The following EFNA5 variants were observed in gnomAD, a reference collection of about 807,000 sequenced individuals.
The protein encoded by EFNA5 is ephrin-A5.
Under a neutral mutation model 22.9 loss-of-function variants are expected in EFNA5, and 5 were observed. The observed-to-expected ratio is 0.22, with a 90% CI of 0.11 to 0.46. The LOEUF is 0.46. Among genes scored for constraint, EFNA5 ranks in the 20% least tolerant of loss-of-function variants. The pLI, the probability that EFNA5 is intolerant of heterozygous loss-of-function variation, is 0.99. For synonymous variants in EFNA5, 113 were observed against 112.2 expected (o/e 1.01, Z -0.04); for missense variants, 237 against 293.3 (o/e 0.81, Z 1.40).
rs185647314 is a variant in EFNA5, at chr5:107,444,137, C to T, written c.126-16628G>A. Reference sequence around the variant, plus strand: ...GATGTAAGTGGTTCAGAACAGTTTCCGCAATGCTCAATATACTTGCATTTT... The same window carrying T: ...GATGTAAGTGGTTCAGAACAGTTTCTGCAATGCTCAATATACTTGCATTTT... On this transcript the variant is annotated intron_variant, in intron 1 of 4. Transcript: ENST00000333274. Among the ~76,000 whole-genome samples the T allele has an allele frequency of 1.5e-4, 23 of 152,264 alleles. No homozygotes were observed. In the East Asian group the frequency reaches 4.1e-3, roughly 27 times the overall value.
chr5:107,400,308 A>G (rs12109193), intron 2 of EFNA5, among the ~76,000 whole-genome samples: 4,187 of 151,954 alleles, frequency 0.028, 142 homozygotes, highest in African/African-American at 0.061. Flanking sequence ...AATAAGTCAA[A>G]TATCAAATTT....
chr5:107,616,375 C>T (rs1404649731), intron 1 of EFNA5, among the ~76,000 whole-genome samples: 2 of 152,098 alleles, frequency 1.3e-5, no homozygotes, highest in African/African-American at 2.4e-5. Flanking sequence ...GCTGCACTAC[C>T]GCAGCACACA....
rs777033238 is a variant in EFNA5 at position 107,381,369 on chromosome 5, G to A, written c.573C>T (p.Thr191=). 45 of 1,611,192 alleles carry A rather than the reference G, an allele frequency of 2.8e-5. No individual in the cohort carries two copies. The highest frequency in any genetic ancestry group is 3.3e-5 in the Admixed American group (2 of 59,864). ...GGGATGGCTCGGCTGACTCATGTACGGTGTCATCTGTTCAAATAGAAAGCA... is the reference window on the plus strand; with the variant it reads ...GGGATGGCTCGGCTGACTCATGTACAGTGTCATCTGTTCAAATAGAAAGCA... ...VENSLEPADD[T]VHESAEPSRG... Residue 191 remains threonine (T), a synonymous_variant, in exon 5 of 5, where the codon ACC becomes ACT. Coordinates refer to ENST00000333274, the MANE Select transcript of EFNA5 (RefSeq NM_001962.3).
intron 1 of EFNA5, among the ~76,000 whole-genome samples, chr5:107,536,098 T>C (rs1056259193): frequency 2.0e-5 from 3 of 152,326 alleles, no homozygotes; most frequent in Admixed American, 6.5e-5. Flanking sequence ...CTGACTGATA[T>C]GAGGGAGGCA....
At chr5:107,448,337 C>T (rs1468201390) in intron 1 of EFNA5, among the ~76,000 whole-genome samples, 3 of 152,282 alleles carry the variant, frequency 2.0e-5, no homozygotes, top group East Asian at 1.9e-4. Flanking sequence ...TTCCATTAAA[C>T]GACTATTTGT....
chr5:107,454,753 T>C (rs775439579), intron 1 of EFNA5, among the ~76,000 whole-genome samples: 2 of 152,214 alleles, frequency 1.3e-5, no homozygotes, highest in Admixed American at 6.6e-5. Flanking sequence ...TCACATTTAG[T>C]ATATTTAGAT....
chr5:107,605,121 G>A (rs368703290), intron 1 of EFNA5, among the ~76,000 whole-genome samples: 1 of 144,554 alleles, frequency 6.9e-6, no homozygotes, highest in Admixed American at 6.9e-5. Context: ...ATTAGGTGCC[G>A]CTGCAAGATT....
chr5:107,664,715 C>G (rs987170454), intron 1 of EFNA5, among the ~76,000 whole-genome samples: 2 of 152,142 alleles, frequency 1.3e-5, no homozygotes, highest in Non-Finnish European at 2.9e-5. Context: ...GAAAGCGGAT[C>G]TGACTGAGTT....
At chr5:107,398,854 C>CAAAAAAAA (rs1214380627) in intron 2 of EFNA5, among the ~76,000 whole-genome samples, 1 of 65,004 alleles carries the variant, frequency 1.5e-5, no homozygotes, top group Non-Finnish European at 3.1e-5. Flanking sequence ...GACACTGCCT[C>CAAAAAAAA]AAAAAAAAAA....
At chr5:107,553,309 G>A (rs910575919) in intron 1 of EFNA5, among the ~76,000 whole-genome samples, 2 of 152,176 alleles carry the variant, frequency 1.3e-5, no homozygotes, top group South Asian at 4.1e-4. Context: ...CTGTGGAAAC[G>A]TTAGGGAAGA....
intron 1 of EFNA5, among the ~76,000 whole-genome samples, chr5:107,569,383 T>TATTTATGTATATGTGTGTATATATATA (rs1443388671): frequency 5.0e-4 from 69 of 137,782 alleles, no homozygotes; most frequent in African/African-American, 1.9e-3. Context: ...ATATATATAT[T>TATTTATGTATATGTGTGTATATATATA]TTTATGTATA....
At chr5:107,617,231 C>CAGAGAGAGAGAGAG (rs1185894080) in intron 1 of EFNA5, among the ~76,000 whole-genome samples, 25 of 148,452 alleles carry the variant, frequency 1.7e-4, no homozygotes, top group African/African-American at 6.4e-4. Flanking sequence ...CACACACACA[C>CAGAGAGAGAGAGAG]ACACACAGAG....
chr5:107,550,388 T>C (rs1369782147), intron 1 of EFNA5, among the ~76,000 whole-genome samples: 2 of 152,134 alleles, frequency 1.3e-5, no homozygotes, highest in Non-Finnish European at 2.9e-5. Flanking sequence ...TGCGAGACAG[T>C]GTTAGGACTA....
chr5:107,573,407 A>C (rs2112488591), intron 1 of EFNA5, among the ~76,000 whole-genome samples: 1 of 152,062 alleles, frequency 6.6e-6, no homozygotes, highest in South Asian at 2.1e-4. Context: ...AATTTAAAAG[A>C]ATTTTCCAAA....
At chr5:107,426,978 C>T in intron 2 of EFNA5, 1 of 463,848 alleles carries the variant, frequency 2.2e-6, no homozygotes, top group East Asian at 3.6e-5. Flanking sequence ...AAATACAAGT[C>T]AGCAGTGGTT....
intron 1 of EFNA5, among the ~76,000 whole-genome samples, chr5:107,582,628 A>G (rs71575448): frequency 0.084 from 12,838 of 152,246 alleles, 700 homozygotes; most frequent in Middle Eastern, 0.15. Context: ...ATTACTGTCC[A>G]AATGATATTC....
intron 1 of EFNA5, among the ~76,000 whole-genome samples, chr5:107,667,684 TA>T (rs564616509): frequency 1.3e-5 from 2 of 151,948 alleles, no homozygotes; most frequent in African/African-American, 2.4e-5. Flanking sequence ...GAGGGAAAAA[TA>T]AAAAAAATTA....
At chr5:107,481,029 G>GAGCTCCT (rs1233979911) in intron 1 of EFNA5, among the ~76,000 whole-genome samples, 4 of 152,202 alleles carry the variant, frequency 2.6e-5, no homozygotes, top group African/African-American at 7.2e-5. Flanking sequence ...TAAATTTACT[G>GAGCTCCT]AGCTCCTATT....
At chr5:107,540,537 A>G (rs954678831) in intron 1 of EFNA5, among the ~76,000 whole-genome samples, 2 of 152,220 alleles carry the variant, frequency 1.3e-5, no homozygotes, top group African/African-American at 2.4e-5. Flanking sequence ...TAATTGTATA[A>G]TACATATGAA....
Sources: allele counts gnomAD v4.1 joint callset (sites outside exome capture counted in the v4.1 genomes callset), GRCh38; gene constraint gnomAD v4.1.1; transcripts MANE v1.5; gene names NCBI Gene and HGNC (gene_info 2026-07-23, HGNC 2026-07-21).